The following FBXL17 variants were observed in gnomAD, a reference collection of about 807,000 sequenced individuals.
The protein encoded by FBXL17 is F-box and leucine rich repeat protein 17.
A neutral mutation model predicts 66.2 loss-of-function variants in FBXL17; 22 were observed. The ratio of observed to expected loss-of-function variants is 0.33; its 90% confidence interval spans 0.24 to 0.47. The LOEUF is 0.47. FBXL17 is among the 20% of genes least tolerant of loss of function. FBXL17 has a pLI of 1.00. For synonymous variants in FBXL17, 474 were observed against 400.5 expected (o/e 1.18, Z -2.19); for missense variants, 878 against 948.2 (o/e 0.93, Z 0.97).
At chr5:107,977,653 A>G (rs1254699976) in intron 7 of FBXL17, among the ~76,000 whole-genome samples, 1 of 152,186 alleles carries the variant, frequency 6.6e-6, no homozygotes, top group Non-Finnish European at 1.5e-5. Context: ...TGGACTTTCA[A>G]TGGATTGGCT....
At chr5:108,282,447 C>G (rs771136650) in intron 4 of FBXL17, among the ~76,000 whole-genome samples, 3 of 151,802 alleles carry the variant, frequency 2.0e-5, no homozygotes, top group African/African-American at 4.8e-5. Flanking sequence ...GCAGAAAAAG[C>G]ATTTGATAAA....
At chr5:108,043,816 C>A (rs1426070348) in intron 6 of FBXL17, among the ~76,000 whole-genome samples, 2 of 152,180 alleles carry the variant, frequency 1.3e-5, no homozygotes, top group African/African-American at 2.4e-5. Context: ...AATTACATGT[C>A]TCCTATGTGG....
intron 7 of FBXL17, among the ~76,000 whole-genome samples, chr5:107,977,540 G>A (rs1221907932): frequency 6.6e-6 from 1 of 152,206 alleles, no homozygotes; most frequent in Non-Finnish European, 1.5e-5. Flanking sequence ...AATGAACAGA[G>A]ATGGGCTGTT....
At chr5:107,967,387 A>G (rs1752189050) in intron 7 of FBXL17, among the ~76,000 whole-genome samples, 1 of 151,930 alleles carries the variant, frequency 6.6e-6, no homozygotes. Context: ...CAATGTTGAC[A>G]GCTAAGTTTA....
chr5:107,980,656 A>ATTTTT (rs1561350444), intron 7 of FBXL17, among the ~76,000 whole-genome samples: 2 of 76,970 alleles, frequency 2.6e-5, no homozygotes, highest in South Asian at 9.1e-4. Context: ...ATATATATAT[A>ATTTTT]TATATATATT....
At position 108,337,635 on chromosome 5, in the gene FBXL17, G is replaced by T. The variant is rs569397733; in HGVS notation, c.1506+10764C>A. 2.0e-5 allele frequency among the ~76,000 whole-genome samples: 3 copies of T among 151,474 alleles called. No individual in the cohort carries two copies. The South Asian group carries it at 6.3e-4, about 32-fold the overall frequency. On this transcript the variant is annotated intron_variant, in intron 4 of 8. Coordinates refer to ENST00000542267, the MANE Select transcript of FBXL17 (RefSeq NM_001163315.3). ...GAGTATTTGCGAAAAATAATATTCA[G>T]CTGAGCTTGAAGGTAGTAATGAACA...
intron 7 of FBXL17, among the ~76,000 whole-genome samples, chr5:107,882,425 T>C (rs555340416): frequency 1.3e-5 from 2 of 152,250 alleles, no homozygotes; most frequent in East Asian, 3.9e-4. Flanking sequence ...TAGCCAGATA[T>C]TTAATGTTTA....
intron 4 of FBXL17, among the ~76,000 whole-genome samples, chr5:108,267,184 A>G (rs1757078509): frequency 6.6e-6 from 1 of 152,066 alleles, no homozygotes; most frequent in South Asian, 2.1e-4. Flanking sequence ...TAAAAAATCT[A>G]GTTGGCAATA....
At chr5:108,139,416 T>C (rs1016899606) in intron 6 of FBXL17, among the ~76,000 whole-genome samples, 5 of 152,192 alleles carry the variant, frequency 3.3e-5, no homozygotes, top group Non-Finnish European at 5.9e-5. Flanking sequence ...CAGTTTCAGT[T>C]TCAATCAGCA....
chr5:108,152,677 A>C (rs1751816602), intron 6 of FBXL17, among the ~76,000 whole-genome samples: 1 of 152,182 alleles, frequency 6.6e-6, no homozygotes, highest in Non-Finnish European at 1.5e-5. Flanking sequence ...AGTACCATAG[A>C]GAGAAAAAAA....
At chr5:108,302,088 A>G (rs1032882266) in intron 4 of FBXL17, 1 of 940,518 alleles carries the variant, frequency 1.1e-6, no homozygotes, top group African/African-American at 1.8e-5. Context: ...AATGTGGACC[A>G]ATCAATAAAG....
At position 108,381,826 on chromosome 5, in the gene FBXL17, A is replaced by G. The variant is rs575730537; in HGVS notation, c.-135T>C. 2.3e-6 allele frequency: 3 copies of G among 1,301,146 alleles called. No individual in the cohort carries two copies. The highest frequency in any genetic ancestry group is 2.9e-6 in the Non-Finnish European group (3 of 1,025,570). 80.6% of individuals were successfully genotyped at this position (1,301,146 alleles called of 1,614,324 possible). On this transcript the variant is annotated 5_prime_UTR_variant, in exon 1 of 9. Coordinates refer to ENST00000542267, the MANE Select transcript of FBXL17 (RefSeq NM_001163315.3). ...CCTTCCTGCGCACACACACGCACAC[A>G]CGGGCACACACGCGACGGTGGGGGG...
chr5:108,197,780 A>T (rs1245255739), intron 5 of FBXL17, among the ~76,000 whole-genome samples: 4 of 152,146 alleles, frequency 2.6e-5, no homozygotes, highest in African/African-American at 9.7e-5. Context: ...AAAATGTTAC[A>T]GAAATGTTGT....
Position 108,382,044 on chromosome 5 carries a change from C to T in FBXL17, c.-353G>A, listed in dbSNP as rs1045980727. On this transcript the variant is annotated 5_prime_UTR_variant, in exon 1 of 9. Transcript: ENST00000542267. ...GGAGCGGCCGGGGAAAGGCCGGGTC[C>T]CGCTCGGACCATTTTAACTGCGGAT... 7 of 930,216 alleles carry T rather than the reference C, an allele frequency of 7.5e-6. No individual in the cohort carries two copies. The highest frequency in any genetic ancestry group is 7.9e-6 in the Non-Finnish European group (6 of 755,052). 57.6% of individuals were successfully genotyped at this position (930,216 alleles called of 1,614,324 possible).
intron 4 of FBXL17, among the ~76,000 whole-genome samples, chr5:108,338,675 C>T (rs141866037): frequency 6.6e-6 from 1 of 152,022 alleles, no homozygotes; most frequent in African/African-American, 2.4e-5. Context: ...AAAAAAGTAT[C>T]GAAACAGTAT....
intron 3 of FBXL17, among the ~76,000 whole-genome samples, chr5:108,353,684 T>C (rs552659364): frequency 9.9e-5 from 15 of 152,220 alleles, no homozygotes; most frequent in Non-Finnish European, 1.6e-4. Flanking sequence ...CTCCAGCCAG[T>C]TCTAGCCTTC....
chr5:107,965,332 A>G (rs773771525), intron 7 of FBXL17, among the ~76,000 whole-genome samples: 1 of 152,190 alleles, frequency 6.6e-6, no homozygotes, highest in Admixed American at 6.6e-5. Flanking sequence ...GAAAATAAAA[A>G]CAAAAGATGA....
chr5:108,295,964 CAAAAA>C (rs60118717), intron 4 of FBXL17, among the ~76,000 whole-genome samples: 9,092 of 111,674 alleles, frequency 0.081, 940 homozygotes, highest in African/African-American at 0.26. Context: ...TAAACAAAAC[CAAAAA>C]AAAAAAAAAA....
chr5:108,277,923 A>C (rs765755668), intron 4 of FBXL17, among the ~76,000 whole-genome samples: 1 of 152,260 alleles, frequency 6.6e-6, no homozygotes, highest in Non-Finnish European at 1.5e-5. Context: ...GTTGACTAGA[A>C]GCATTTCAAG....
Sources: allele counts gnomAD v4.1 joint callset (sites outside exome capture counted in the v4.1 genomes callset), GRCh38; gene constraint gnomAD v4.1.1; transcripts MANE v1.5; gene names NCBI Gene and HGNC (gene_info 2026-07-23, HGNC 2026-07-21).